MAPKAP1: variants seen among roughly 807,000 people sequenced by gnomAD.
MAPKAP1 encodes the protein target of rapamycin complex 2 subunit MAPKAP1.
MAPKAP1 carries 20 observed loss-of-function variants against 65.7 expected under a neutral mutation model. The ratio of observed to expected loss-of-function variants is 0.30; its 90% CI spans 0.21 to 0.44. MAPKAP1 has a LOEUF of 0.44. Among genes scored for constraint, MAPKAP1 ranks in the 20% least tolerant of loss-of-function variants. The pLI, the probability that MAPKAP1 is intolerant of heterozygous loss-of-function variation, is 1.00. For synonymous variants in MAPKAP1, 222 were observed against 244.3 expected, an observed-to-expected ratio of 0.91 and a Z score of 0.85; for missense variants, 423 against 648.0, an observed-to-expected ratio of 0.65 and a Z score of 3.77.
At chr9:125,607,389 A>G (rs1478058131) in intron 4 of MAPKAP1, among the ~76,000 whole-genome samples, 1 of 152,214 alleles carries the variant, frequency 6.6e-6, no homozygotes, top group East Asian at 1.9e-4. Context: ...TATTTATCAA[A>G]CACTATAGGT....
chr9:125,645,180 C>CCT (rs765292577), intron 4 of MAPKAP1, among the ~76,000 whole-genome samples: 12 of 152,282 alleles, frequency 7.9e-5, no homozygotes, highest in Admixed American at 2.0e-4. Context: ...GAAGAGCAGG[C>CCT]CTCTGCCCAG....
At chr9:125,585,777 G>A in intron 4 of MAPKAP1, 50 bp from the exon 5 acceptor site, 1 of 1,567,204 alleles carries the variant, frequency 6.4e-7, no homozygotes, top group African/African-American at 1.3e-5. Context: ...CAGTTATACA[G>A]ACCCCACTGC....
chr9:125,442,561 C>G (rs1852532584), intron 11 of MAPKAP1, among the ~76,000 whole-genome samples: 1 of 151,744 alleles, frequency 6.6e-6, no homozygotes, highest in Non-Finnish European at 1.5e-5. Flanking sequence ...AAAGTCCAGC[C>G]CCTATCGGGG....
intron 11 of MAPKAP1, among the ~76,000 whole-genome samples, chr9:125,441,497 T>C (rs889009835): frequency 6.6e-6 from 1 of 152,242 alleles, no homozygotes; most frequent in African/African-American, 2.4e-5. Flanking sequence ...TGGTGTTCAA[T>C]AAATGGGAGA....
chr9:125,459,858 A>AGAGGGAGAGGGG (rs1853410793), intron 10 of MAPKAP1, among the ~76,000 whole-genome samples: 2 of 151,022 alleles, frequency 1.3e-5, no homozygotes, highest in Admixed American at 6.6e-5. Context: ...GACCGTGGGG[A>AGAGGGAGAGGGG]GAGGGAGAGG....
intron 1 of MAPKAP1, chr9:125,696,452 A>C (rs559321076): frequency 6.6e-6 from 1 of 152,190 alleles, no homozygotes; most frequent in East Asian, 1.9e-4. Context: ...AACAAACAAA[A>C]AAACAAATAA....
chr9:125,596,480 AT>A, intron 4 of MAPKAP1: 1 of 749,250 alleles, frequency 1.3e-6, no homozygotes. Context: ...CAGTCTTCAA[AT>A]TTTGAACCCA....
At chr9:125,492,370 C>T (rs916964929) in intron 8 of MAPKAP1, among the ~76,000 whole-genome samples, 20 of 152,180 alleles carry the variant, frequency 1.3e-4, no homozygotes, top group South Asian at 2.1e-4. Context: ...TAATGGGAAA[C>T]GAAAGTGCAG....
chr9:125,693,702 T>C (rs866975969), intron 1 of MAPKAP1, among the ~76,000 whole-genome samples: 39 of 101,500 alleles, frequency 3.8e-4, no homozygotes, highest in East Asian at 1.6e-3. Flanking sequence ...TATACACGTA[T>C]ATATACACAT....
At chr9:125,589,616 T>G (rs1276581730) in intron 4 of MAPKAP1, among the ~76,000 whole-genome samples, 1 of 152,214 alleles carries the variant, frequency 6.6e-6, no homozygotes, top group Non-Finnish European at 1.5e-5. Context: ...AACTCTATAA[T>G]TCTATCATTC....
chr9:125,539,979 A>G (rs2133162013), intron 7 of MAPKAP1, among the ~76,000 whole-genome samples: 1 of 152,384 alleles, frequency 6.6e-6, no homozygotes. Flanking sequence ...TATTCTTTTC[A>G]TATGAATATT....
At chr9:125,647,844 AC>A (rs1420541986) in intron 4 of MAPKAP1, among the ~76,000 whole-genome samples, 1 of 152,148 alleles carries the variant, frequency 6.6e-6, no homozygotes, top group Non-Finnish European at 1.5e-5. Flanking sequence ...CACTCTGCAC[AC>A]CAGAAAAATC....
chr9:125,468,647 C>G (rs1331392563), intron 9 of MAPKAP1, among the ~76,000 whole-genome samples: 1 of 152,172 alleles, frequency 6.6e-6, no homozygotes, highest in Admixed American at 6.5e-5. Context: ...TTCTGTGACA[C>G]TAAATAATTA....
Position 125,595,770 on chromosome 9 carries a change from A to C in MAPKAP1, c.499-10043T>G. The C allele has an allele frequency of 8.0e-7, 1 of 1,243,530 alleles. No individual in the cohort carries two copies. The highest frequency in any genetic ancestry group is 1.2e-6 in the Non-Finnish European group (1 of 860,332). 77.0% of individuals were successfully genotyped at this position (1,243,530 alleles called of 1,614,324 possible). On this transcript the variant is annotated intron_variant, in intron 4 of 11. Coordinates refer to ENST00000265960, the MANE Select transcript of MAPKAP1 (RefSeq NM_001006617.3). This position sits in a 1 kb window ranked among gnomAD's most constrained non-coding sequence, Gnocchi z 4.0. ...AATGAGAGCAAGAGGAGCCATTGTG[A>C]GCAATGGGGAACGCTCCCAGACTGT... is the stretch of plus-strand genomic sequence containing the variant.
intron 9 of MAPKAP1, among the ~76,000 whole-genome samples, chr9:125,475,014 G>C (rs1388527900): frequency 6.6e-6 from 1 of 152,128 alleles, no homozygotes; most frequent in African/African-American, 2.4e-5. Flanking sequence ...GAGCAGTCAG[G>C]GAAGTCTTTG....
At chr9:125,495,115 A>C (rs1437463933) in intron 8 of MAPKAP1, among the ~76,000 whole-genome samples, 1 of 152,190 alleles carries the variant, frequency 6.6e-6, no homozygotes, top group Admixed American at 6.5e-5. Flanking sequence ...TCCATGTTCA[A>C]AGCCCAGGAA....
intron 4 of MAPKAP1, among the ~76,000 whole-genome samples, chr9:125,645,352 G>A (rs1329090155): frequency 1.3e-5 from 2 of 152,230 alleles, no homozygotes; most frequent in Non-Finnish European, 2.9e-5. Context: ...ACGAAGCTCA[G>A]TGAGAACGCA....
intron 7 of MAPKAP1, among the ~76,000 whole-genome samples, chr9:125,537,730 G>A (rs1331528950): frequency 6.6e-6 from 1 of 152,170 alleles, no homozygotes; most frequent in Admixed American, 6.5e-5. Flanking sequence ...CAATCCTCCT[G>A]CCTTGGCCTC....
chr9:125,542,201 C>G lies in MAPKAP1; in HGVS notation c.958+858G>C, dbSNP rs1484733156. 2.0e-5 allele frequency among the ~76,000 whole-genome samples: 3 copies of G among 152,182 alleles called. No individual in the cohort carries two copies. The East Asian group carries it at 5.8e-4, about 29-fold the overall frequency. On this transcript the variant is annotated intron_variant, in intron 7 of 11. Transcript: ENST00000265960. The stretch of plus-strand genomic sequence containing the variant: ...CGTGTCCTTCACTGTGTTATCTCTT[C>G]TAACTTTTATTAAAACTTCAGCTTT...
Sources: allele counts gnomAD v4.1 joint callset (sites outside exome capture counted in the v4.1 genomes callset), GRCh38; gene constraint gnomAD v4.1.1; non-coding constraint Gnocchi (gnomAD v3.1); transcripts MANE v1.5; gene names NCBI Gene and HGNC (gene_info 2026-07-23, HGNC 2026-07-21).